The following DTL variants were observed in gnomAD, a reference collection of about 807,000 sequenced individuals.
DTL encodes denticleless protein homolog.
In DTL, 46 loss-of-function variants were observed where a neutral mutation model predicts 87.0. The ratio of observed to expected loss-of-function variants is 0.53; its 90% CI spans 0.42 to 0.68. DTL has a LOEUF of 0.68. Ranked by LOEUF, DTL falls within the 30% of genes least tolerant of loss-of-function variation. The pLI, the probability that DTL is intolerant of heterozygous loss-of-function variation, is 0.00. For missense variants in DTL, 737 were observed against 869.4 expected, an observed-to-expected ratio of 0.85 and a Z score of 1.91; for synonymous variants, 308 against 311.2, an observed-to-expected ratio of 0.99 and a Z score of 0.11.
At chr1:212,100,190 A>G (rs1655573035) in intron 13 of DTL, 62 bp from the exon 14 acceptor site, 3 of 1,320,092 alleles carry the variant, frequency 2.3e-6, no homozygotes, top group Non-Finnish European at 2.1e-6. Flanking sequence ...TTTCTTGATG[A>G]GAATTTAGGG....
chr1:212,079,774 A>G (rs1033625087), intron 12 of DTL, among the ~76,000 whole-genome samples: 1 of 152,240 alleles, frequency 6.6e-6, no homozygotes, highest in African/African-American at 2.4e-5. Context: ...TTGAACAGTT[A>G]AATATGTGTA....
intron 3 of DTL, among the ~76,000 whole-genome samples, chr1:212,045,579 G>C (rs1193579280): frequency 6.6e-6 from 1 of 152,160 alleles, no homozygotes; most frequent in African/African-American, 2.4e-5. Context: ...TGATGTAGAA[G>C]TAGAAAGAAA....
chr1:212,102,846 C>A lies in DTL; in HGVS notation c.2099C>A (p.Thr700Asn). ...QSGKKLPSPVTITPSSMRKIC... is the reference protein window; with the variant it reads ...QSGKKLPSPVNITPSSMRKIC... The stretch of plus-strand genomic sequence containing the variant: ...ATCTAAACTTTCTTCTTCTAGGTCA[C>A]CATCACGCCCAGCTCCATGAGGAAA... Residue 700 changes from threonine to asparagine, a missense_variant, in exon 15 of 15, where the codon ACC (threonine) becomes AAC (asparagine). Physicochemically the swap from Thr to Asn is moderately conservative, Grantham distance 65. Coordinates refer to ENST00000366991, the MANE Select transcript of DTL (RefSeq NM_016448.4). 1 of 1,607,010 alleles carries A rather than the reference C, an allele frequency of 6.2e-7. No homozygotes were observed. Among genetic ancestry groups the A allele is most frequent in the Non-Finnish European group, 8.5e-7 (1 of 1,174,862 alleles).
At chr1:212,036,579 C>G (rs1667471543) in intron 1 of DTL, among the ~76,000 whole-genome samples, 1 of 152,148 alleles carries the variant, frequency 6.6e-6, no homozygotes, top group South Asian at 2.1e-4. Context: ...GAGGTAATAC[C>G]TATTATTTTC....
chr1:212,037,686 G>A (rs1667529126), intron 1 of DTL, among the ~76,000 whole-genome samples: 1 of 152,198 alleles, frequency 6.6e-6, no homozygotes, highest in Admixed American at 6.5e-5. Flanking sequence ...ACATATATTT[G>A]AGAAAGATTA....
chr1:212,056,016 C>CA, intron 5 of DTL, among the ~76,000 whole-genome samples: 1 of 152,352 alleles, frequency 6.6e-6, no homozygotes, highest in South Asian at 2.1e-4. Context: ...CCCAACCTGT[C>CA]ACAGCCACCG....
chr1:212,100,500 T>C lies in DTL; in HGVS notation c.1510T>C (p.Trp504Arg), dbSNP rs1255864179. ...PSSFKMSIRN[W>R]VTRTPSSSPP... Reference sequence around the variant, plus strand: ...ATCTTTCAAGATGTCGATTAGAAACTGGGTGACCCGAACACCTTCCTCATC... The same window carrying C: ...ATCTTTCAAGATGTCGATTAGAAACCGGGTGACCCGAACACCTTCCTCATC... The change falls in exon 14 of 15, where the codon TGG becomes CGG. Residue 504 changes from tryptophan (W) to arginine (R), a missense_variant. By Grantham distance (101) the Trp-to-Arg change is moderately radical (BLOSUM62 -3). Transcript: ENST00000366991. The C allele has an allele frequency of 1.2e-6, 2 of 1,613,914 alleles. No individual in the cohort carries two copies. The highest frequency in any genetic ancestry group is 1.7e-6 in the Non-Finnish European group (2 of 1,180,014).
intron 6 of DTL, among the ~76,000 whole-genome samples, chr1:212,063,295 TA>T (rs199783278): frequency 5.4e-5 from 8 of 149,116 alleles, no homozygotes; most frequent in African/African-American, 9.9e-5. Flanking sequence ...TTATTATTAT[TA>T]TTTTTTTTTT....
At chr1:212,094,758 T>C (rs1655393726) in intron 13 of DTL, among the ~76,000 whole-genome samples, 1 of 152,196 alleles carries the variant, frequency 6.6e-6, no homozygotes, top group Admixed American at 6.5e-5. Context: ...TTCCATTTGT[T>C]TGTGTCATCT....
Position 212,044,687 on chromosome 1 carries a change from T to C in DTL, c.206T>C (p.Val69Ala). 1 of 1,612,602 alleles carries C rather than the reference T, an allele frequency of 6.2e-7. No homozygotes were observed. The highest frequency in any genetic ancestry group is 1.1e-5 in the South Asian group (1 of 90,902). The change falls in exon 3 of 15, where the codon GTT becomes GCT. Residue 69 changes from valine to alanine, a missense_variant. Val to Ala is a moderately conservative substitution (Grantham distance 64, BLOSUM62 0). Transcript: ENST00000366991. ...CCCAATATGGAACATGTACTAGCAG[T>C]TGCCAATGAAGAAGGCTTTGTTCGA... ...SAPNMEHVLAVANEEGFVRLY... is the reference protein window; with the variant it reads ...SAPNMEHVLAAANEEGFVRLY...
chr1:212,091,365 T>A (rs1307764616), intron 13 of DTL, among the ~76,000 whole-genome samples: 3 of 152,286 alleles, frequency 2.0e-5, no homozygotes, highest in Non-Finnish European at 4.4e-5. Context: ...TGTAAATTAG[T>A]ATAGCCATTA....
At chr1:212,065,101 T>G in intron 7 of DTL, 72 bp downstream of exon 7, 1 of 1,078,806 alleles carries the variant, frequency 9.3e-7, no homozygotes, top group Non-Finnish European at 1.4e-6. Context: ...GGCTATTGAT[T>G]AAGTGAATGA....
intron 2 of DTL, among the ~76,000 whole-genome samples, chr1:212,044,247 C>T (rs1667742690): frequency 6.6e-6 from 1 of 152,162 alleles, no homozygotes; most frequent in South Asian, 2.1e-4. Flanking sequence ...GTACTACCCT[C>T]GATTTAGCCC....
chr1:212,059,649 A>G (rs555996800), intron 5 of DTL, among the ~76,000 whole-genome samples: 5 of 152,236 alleles, frequency 3.3e-5, no homozygotes, highest in Non-Finnish European at 5.9e-5. Flanking sequence ...CCTATTCAAC[A>G]TGGTACTGGA....
chr1:212,068,727 C>A (rs770376180), intron 10 of DTL, 24 bp downstream of exon 10: 16 of 1,460,170 alleles, frequency 1.1e-5, no homozygotes, highest in South Asian at 2.4e-5. Flanking sequence ...CATTCAAATT[C>A]TCTTACCAGG....
At chr1:212,046,856 G>A (rs935368006) in intron 3 of DTL, among the ~76,000 whole-genome samples, 1 of 152,164 alleles carries the variant, frequency 6.6e-6, no homozygotes, top group African/African-American at 2.4e-5. Flanking sequence ...GGTCTTTGAG[G>A]AAGCGCCACA....
intron 1 of DTL, among the ~76,000 whole-genome samples, chr1:212,037,075 T>G (rs1394102037): frequency 6.6e-6 from 1 of 152,222 alleles, no homozygotes; most frequent in Non-Finnish European, 1.5e-5. Flanking sequence ...AACTTCTTTG[T>G]CCTCTGTTTA....
intron 5 of DTL, among the ~76,000 whole-genome samples, chr1:212,059,988 A>G (rs1427007106): frequency 6.6e-6 from 1 of 152,264 alleles, no homozygotes; most frequent in South Asian, 2.1e-4. Context: ...AAAGACCTCT[A>G]TAAGGAAAAG....
At chr1:212,080,865 A>C (rs1654971066) in intron 13 of DTL, 115 bp downstream of exon 13, 1 of 1,104,986 alleles carries the variant, frequency 9.0e-7, no homozygotes, top group South Asian at 1.6e-5. Context: ...GAAAAGCACT[A>C]TCTTCTTGCC....
Sources: allele counts gnomAD v4.1 joint callset (sites outside exome capture counted in the v4.1 genomes callset), GRCh38; gene constraint gnomAD v4.1.1; transcripts MANE v1.5; gene names NCBI Gene and HGNC (gene_info 2026-07-23, HGNC 2026-07-21).